The following MYT1L variants were observed in gnomAD, a reference collection of about 807,000 sequenced individuals.
MYT1L encodes the protein myelin transcription factor 1 like.
MYT1L carries 12 observed loss-of-function variants against 126.7 expected under a neutral mutation model. The observed-to-expected ratio is 0.09, with a 90% CI of 0.06 to 0.15. The LOEUF (loss-of-function observed/expected upper bound fraction) is 0.15, where lower values mean the gene tolerates loss of function less well. Among genes scored for constraint, MYT1L ranks in the 10% least tolerant of loss-of-function variants. The pLI, the probability that MYT1L is intolerant of heterozygous loss-of-function variation, is 1.00. For synonymous variants in MYT1L, 541 were observed against 604.2 expected (o/e 0.90, Z 1.53); for missense variants, 979 against 1,585.2 (o/e 0.62, Z 6.49).
At chr2:2,095,773 C>T (rs1222110980) in intron 3 of MYT1L, among the ~76,000 whole-genome samples, 11 of 152,202 alleles carry the variant, frequency 7.2e-5, no homozygotes, top group Non-Finnish European at 1.6e-4. Flanking sequence ...CTCTCCTCAT[C>T]GCCCCGGGCA....
chr2:2,080,978 T>C (rs756748718), intron 3 of MYT1L, among the ~76,000 whole-genome samples: 19 of 152,166 alleles, frequency 1.2e-4, no homozygotes, highest in Non-Finnish European at 2.6e-4. Context: ...AGACAAAAAG[T>C]GGACTGTAAC....
chr2:1,957,160 G>A (rs751098867), intron 8 of MYT1L, among the ~76,000 whole-genome samples: 3 of 152,188 alleles, frequency 2.0e-5, no homozygotes, highest in South Asian at 4.1e-4. Context: ...CACTGGGCGC[G>A]TGGCTTGAGT....
chr2:2,079,048 A>C (rs1370924681), intron 3 of MYT1L, among the ~76,000 whole-genome samples: 1 of 152,212 alleles, frequency 6.6e-6, no homozygotes, highest in Non-Finnish European at 1.5e-5. Flanking sequence ...CCTGCCTATG[A>C]GGAAATGAGC....
rs1258629095 is a variant in MYT1L, at chr2:1,791,764, A to C, written c.*103T>G. The C allele has an allele frequency of 8.4e-7, 1 of 1,190,738 alleles. No individual in the cohort carries two copies. The highest frequency in any genetic ancestry group is 1.5e-5 in the African/African-American group (1 of 64,532). 73.8% of individuals were successfully genotyped at this position (1,190,738 alleles called of 1,614,324 possible). A position where few individuals can be genotyped will look rare whatever the true frequency, so the allele number is the denominator to read the frequency against. On this transcript the variant is annotated 3_prime_UTR_variant, in exon 25 of 25. Coordinates refer to ENST00000647738, the MANE Select transcript of MYT1L (RefSeq NM_001303052.2). The surrounding 1 kb of genome is among the most constrained non-coding windows in gnomAD (Gnocchi z 6.0). ...AGTCTTGTAAGCATAACACTGTTTCAAATTCAAACAGAAATAAATATAGAA... is the reference window on the plus strand; with the variant it reads ...AGTCTTGTAAGCATAACACTGTTTCCAATTCAAACAGAAATAAATATAGAA...
chr2:2,320,416 G>A (rs1406426922), intron 1 of MYT1L, among the ~76,000 whole-genome samples: 1 of 150,560 alleles, frequency 6.6e-6, no homozygotes, highest in Non-Finnish European at 1.5e-5. Context: ...CACCACACTA[G>A]CCATAGGAAC....
chr2:2,253,707 C>CAGG (rs1188107804), intron 2 of MYT1L, among the ~76,000 whole-genome samples: 1 of 151,780 alleles, frequency 6.6e-6, no homozygotes, highest in African/African-American at 2.4e-5. Context: ...AAGTCGGAAA[C>CAGG]AGGAAGCGGG....
At chr2:1,937,303 C>T (rs780976147) in intron 9 of MYT1L, among the ~76,000 whole-genome samples, 2 of 152,252 alleles carry the variant, frequency 1.3e-5, no homozygotes, top group Admixed American at 6.5e-5. Context: ...CTAACGTCCG[C>T]GGCCATCAGA....
intron 4 of MYT1L, among the ~76,000 whole-genome samples, chr2:2,025,714 G>C (rs753787547): frequency 1.3e-5 from 2 of 152,180 alleles, no homozygotes; most frequent in African/African-American, 4.8e-5. Context: ...CAAGGGACTC[G>C]TTCACCGAAA....
chr2:2,187,765 G>A (rs1042567766), intron 2 of MYT1L, among the ~76,000 whole-genome samples: 1 of 152,016 alleles, frequency 6.6e-6, no homozygotes, highest in Non-Finnish European at 1.5e-5. Flanking sequence ...ATAAGTTCTT[G>A]AAGCTGTTAT....
chr2:2,143,949 T>C (rs1348142247), intron 3 of MYT1L, among the ~76,000 whole-genome samples: 1 of 95,644 alleles, frequency 1.0e-5, no homozygotes, highest in African/African-American at 4.1e-5. Flanking sequence ...CAATAGACGC[T>C]GGGGACTATT....
intron 9 of MYT1L, among the ~76,000 whole-genome samples, chr2:1,930,439 T>C (rs529048036): frequency 6.6e-6 from 1 of 152,334 alleles, no homozygotes; most frequent in East Asian, 1.9e-4. Flanking sequence ...ATCTCCTTTT[T>C]TCTTTCTCTT....
intron 13 of MYT1L, 52 bp from the exon 14 acceptor site, chr2:1,903,346 C>A: frequency 1.4e-6 from 2 of 1,421,440 alleles, no homozygotes; most frequent in Non-Finnish European, 2.0e-6. Context: ...TGGCTTTGTA[C>A]ACGACGAGCT....
At chr2:1,836,695 A>C in intron 21 of MYT1L, among the ~76,000 whole-genome samples, 2 of 146,616 alleles carry the variant, frequency 1.4e-5, no homozygotes, top group African/African-American at 2.6e-5. Context: ...CCTGCACCCC[A>C]AGATCCCATC....
At chr2:2,207,308 T>C (rs2148875280) in intron 2 of MYT1L, among the ~76,000 whole-genome samples, 1 of 152,306 alleles carries the variant, frequency 6.6e-6, no homozygotes, top group South Asian at 2.1e-4. Flanking sequence ...ACACATATAA[T>C]GCGCACTTTC....
intron 3 of MYT1L, among the ~76,000 whole-genome samples, chr2:2,139,782 T>C (rs1240489839): frequency 6.6e-6 from 1 of 152,204 alleles, no homozygotes; most frequent in African/African-American, 2.4e-5. Flanking sequence ...AAGTGCTGCT[T>C]ACTCTTCCAT....
chr2:1,869,556 G>A (rs1279525083), intron 18 of MYT1L, among the ~76,000 whole-genome samples: 1 of 152,252 alleles, frequency 6.6e-6, no homozygotes, highest in African/African-American at 2.4e-5. Flanking sequence ...GAACGCCCTG[G>A]TTTCGGGGAG....
chr2:2,032,216 C>T (rs1244339194), intron 4 of MYT1L, among the ~76,000 whole-genome samples: 1 of 64,284 alleles, frequency 1.6e-5, no homozygotes, highest in Non-Finnish European at 2.9e-5. Flanking sequence ...GAAGGAGGGC[C>T]TTACACACAC....
chr2:2,252,121 G>A (rs2094670499), intron 2 of MYT1L, among the ~76,000 whole-genome samples: 1 of 152,086 alleles, frequency 6.6e-6, no homozygotes, highest in South Asian at 2.1e-4. Context: ...TGTTCCAGTG[G>A]TGGAGAGAAG....
chr2:1,814,942 T>C (rs1169340687), intron 21 of MYT1L, among the ~76,000 whole-genome samples: 1 of 152,190 alleles, frequency 6.6e-6, no homozygotes, highest in Non-Finnish European at 1.5e-5. Context: ...AGTCAGACTT[T>C]CTCTGCTAAG....
Sources: gnomAD v4.1 joint callset for allele counts (sites outside exome capture counted in the v4.1 genomes callset) on GRCh38, gnomAD v4.1.1 for gene constraint, Gnocchi (gnomAD v3.1) non-coding constraint, MANE v1.5 for transcripts, NCBI Gene and HGNC (gene_info 2026-07-23, HGNC 2026-07-21) for gene names.